ENOX1: variants seen among roughly 807,000 people sequenced by gnomAD.
ENOX1 encodes the protein candidate growth-related and time keeping constitutive hydroquinone (NADH) oxidase.
A neutral mutation model predicts 82.5 loss-of-function variants in ENOX1; 42 were observed. The observed-to-expected ratio is 0.51, with a 90% confidence interval of 0.40 to 0.66. ENOX1 has a LOEUF of 0.66. Ranked by LOEUF, ENOX1 falls within the 30% of genes least tolerant of loss-of-function variation. The pLI is 0.00. For synonymous variants in ENOX1, 271 were observed against 282.2 expected (o/e 0.96, Z 0.40); for missense variants, 608 against 811.6 (o/e 0.75, Z 3.05).
intron 1 of ENOX1, among the ~76,000 whole-genome samples, chr13:43,678,432 T>A (rs1312712789): frequency 6.6e-6 from 1 of 152,214 alleles, no homozygotes; most frequent in African/African-American, 2.4e-5. Context: ...CTGCCTGTCC[T>A]TGTAGAGTCT....
chr13:43,773,410 T>C (rs1467775718), intron 1 of ENOX1, among the ~76,000 whole-genome samples: 1 of 152,198 alleles, frequency 6.6e-6, no homozygotes, highest in Non-Finnish European at 1.5e-5. Context: ...CCACTGCACA[T>C]AGGAGAAAAT....
At chr13:43,645,075 A>C (rs11617686) in intron 2 of ENOX1, among the ~76,000 whole-genome samples, 14,116 of 152,234 alleles carry the variant, frequency 0.093, 734 homozygotes, top group Middle Eastern at 0.15. Context: ...TGTATCAAAT[A>C]ATAGTTTTCC....
Position 43,311,395 on chromosome 13 carries a change from TCCC to T in ENOX1, c.1261+10986_1261+10988del, listed in dbSNP as rs371061073. Among the ~76,000 whole-genome samples the T allele has an allele frequency of 1.1e-3, 164 of 151,812 alleles. 7 individuals carry two copies. The South Asian group carries it at 0.033, about 30-fold the overall frequency. On this transcript the variant is annotated intron_variant, in intron 11 of 16. Transcript: ENST00000690772. Reference sequence around the variant, plus strand: ...TTTTTTCTTCAAAATGAAAAAAATATCCCCCAACAGATTAAAAATTAGTTCTTC... The same window carrying T: ...TTTTTTCTTCAAAATGAAAAAAATATCCAACAGATTAAAAATTAGTTCTTC...
At chr13:43,410,758 A>G (rs2054081332) in intron 5 of ENOX1, among the ~76,000 whole-genome samples, 1 of 152,198 alleles carries the variant, frequency 6.6e-6, no homozygotes, top group African/African-American at 2.4e-5. Context: ...GTGCACAGGT[A>G]TGTGGGAGTA....
chr13:43,327,669 T>C (rs2048188002), intron 9 of ENOX1, among the ~76,000 whole-genome samples: 1 of 152,150 alleles, frequency 6.6e-6, no homozygotes, highest in Non-Finnish European at 1.5e-5. Context: ...CAAGGCTCTA[T>C]TATAAAAAAG....
At chr13:43,229,781 A>G (rs9594914) in intron 15 of ENOX1, among the ~76,000 whole-genome samples, 1,523 of 152,276 alleles carry the variant, frequency 0.01, 30 homozygotes, top group African/African-American at 0.035. Flanking sequence ...GTGAGCAGTG[A>G]GGCTGGGGAA....
At chr13:43,349,573 C>G (rs1316951623) in intron 8 of ENOX1, among the ~76,000 whole-genome samples, 3 of 152,112 alleles carry the variant, frequency 2.0e-5, no homozygotes, top group Non-Finnish European at 4.4e-5. Context: ...TATGGGAGAA[C>G]TCTTTGCTAT....
intron 12 of ENOX1, among the ~76,000 whole-genome samples, chr13:43,289,582 C>A (rs1117942): frequency 0.6 from 91,288 of 151,956 alleles, 28,046 homozygotes; most frequent in Middle Eastern, 0.69. Flanking sequence ...AACTCAAAAC[C>A]GGTCAAAGAT....
rs1252658602 is a variant in ENOX1 at position 43,786,140 on chromosome 13, G to C, written c.-285+512C>G. Among the ~76,000 whole-genome samples the C allele has an allele frequency of 6.6e-6, 1 of 152,200 alleles. No homozygotes were observed. Among genetic ancestry groups the C allele is most frequent in the Non-Finnish European group, 1.5e-5 (1 of 68,034 alleles). On this transcript the variant is annotated intron_variant, in intron 1 of 16. Coordinates refer to ENST00000690772, the MANE Select transcript of ENOX1 (RefSeq NM_001347969.2). The surrounding 1 kb of genome is among the most constrained non-coding windows in gnomAD (Gnocchi z 6.0). ...AGACTAGGCGGGGAGGAAAGTTTCC[G>C]GCCCGCAGCAGAGCGGAGTCCGCCA...
intron 2 of ENOX1, among the ~76,000 whole-genome samples, chr13:43,577,173 C>T (rs112306880): frequency 1.3e-5 from 2 of 152,030 alleles, no homozygotes; most frequent in Non-Finnish European, 2.9e-5. Context: ...GCTCAGTCGC[C>T]CAGGCTGGAG....
intron 9 of ENOX1, among the ~76,000 whole-genome samples, chr13:43,342,216 C>T (rs561956947): frequency 3.9e-5 from 6 of 152,196 alleles, no homozygotes; most frequent in African/African-American, 1.4e-4. Context: ...ATGTGGATGC[C>T]GTGTCTAACT....
intron 2 of ENOX1, among the ~76,000 whole-genome samples, chr13:43,658,809 G>A (rs1183191555): frequency 6.6e-6 from 1 of 152,110 alleles, no homozygotes; most frequent in Non-Finnish European, 1.5e-5. Flanking sequence ...TCCTATCTCT[G>A]GGATACCAGG....
chr13:43,666,370 T>C (rs1403735112), intron 2 of ENOX1, among the ~76,000 whole-genome samples: 1 of 152,144 alleles, frequency 6.6e-6, no homozygotes, highest in Non-Finnish European at 1.5e-5. Flanking sequence ...TTTTTAGAAA[T>C]AGAGTCCTTG....
chr13:43,729,891 A>C (rs1202195272), intron 1 of ENOX1, among the ~76,000 whole-genome samples: 1 of 152,174 alleles, frequency 6.6e-6, no homozygotes, highest in Non-Finnish European at 1.5e-5. Flanking sequence ...TGTGCTGCCA[A>C]AGTGAGCACT....
At chr13:43,762,553 G>A (rs536474256) in intron 1 of ENOX1, among the ~76,000 whole-genome samples, 29 of 152,224 alleles carry the variant, frequency 1.9e-4, no homozygotes, top group Non-Finnish European at 3.8e-4. Context: ...ACACAATATA[G>A]AAAGAAATGG....
chr13:43,709,912 A>G (rs1381958554), intron 1 of ENOX1, among the ~76,000 whole-genome samples: 2 of 152,304 alleles, frequency 1.3e-5, no homozygotes, highest in Admixed American at 6.5e-5. Flanking sequence ...TTAGGCCCAG[A>G]TCATTTTGCC....
At chr13:43,221,456 T>C (rs1322109972) in intron 16 of ENOX1, among the ~76,000 whole-genome samples, 1 of 152,176 alleles carries the variant, frequency 6.6e-6, no homozygotes, top group Non-Finnish European at 1.5e-5. Flanking sequence ...TTTAAAGAGT[T>C]TGCCTGCTGT....
chr13:43,445,576 T>C (rs1308773043), intron 3 of ENOX1, among the ~76,000 whole-genome samples: 1 of 152,158 alleles, frequency 6.6e-6, no homozygotes, highest in Non-Finnish European at 1.5e-5. Context: ...TGAATGGCGA[T>C]TGAAGGGCAT....
intron 2 of ENOX1, among the ~76,000 whole-genome samples, chr13:43,500,009 G>A (rs2076926173): frequency 1.3e-5 from 2 of 152,078 alleles, no homozygotes; most frequent in Admixed American, 6.6e-5. Flanking sequence ...TCAAGGATAT[G>A]TCATTTCGAA....
Sources: allele counts gnomAD v4.1 joint callset (sites outside exome capture counted in the v4.1 genomes callset), GRCh38; gene constraint gnomAD v4.1.1; non-coding constraint Gnocchi (gnomAD v3.1); transcripts MANE v1.5; gene names NCBI Gene and HGNC (gene_info 2026-07-23, HGNC 2026-07-21).